ARHGAP15: variants seen among roughly 807,000 people sequenced by gnomAD.
ARHGAP15 encodes the protein rho GTPase-activating protein 15.
In ARHGAP15, 51 loss-of-function variants were observed where a neutral mutation model predicts 63.7. The observed-to-expected ratio is 0.80, with a 90% CI of 0.64 to 1.01. The LOEUF is 1.01. Among genes scored for constraint, ARHGAP15 ranks in the 50% least tolerant of loss-of-function variants. ARHGAP15 has a pLI of 0.00. For synonymous variants in ARHGAP15, 191 were observed against 193.8 expected (o/e 0.99, Z 0.12); for missense variants, 560 against 564.6 (o/e 0.99, Z 0.08).
intron 6 of ARHGAP15, among the ~76,000 whole-genome samples, chr2:143,373,160 C>G (rs1266952821): frequency 6.6e-6 from 1 of 152,020 alleles, no homozygotes; most frequent in Non-Finnish European, 1.5e-5. Context: ...TCATCTGAAT[C>G]TCAGGTCATT....
chr2:143,519,211 T>C, intron 9 of ARHGAP15, 55 bp from the exon 10 acceptor site: 1 of 1,358,006 alleles, frequency 7.4e-7, no homozygotes. Context: ...GGAATCAAAT[T>C]AAAGAACAAC....
chr2:143,409,075 A>G (rs1303349822), intron 6 of ARHGAP15, among the ~76,000 whole-genome samples: 2 of 151,980 alleles, frequency 1.3e-5, no homozygotes, highest in African/African-American at 2.4e-5. Context: ...GATCTCTGAC[A>G]CTTTTTATTT....
rs144410198 is a variant in ARHGAP15, at chr2:143,325,285, A to T, written c.474+74685A>T. Among the ~76,000 whole-genome samples, 38 of 152,272 alleles carry T rather than the reference A, an allele frequency of 2.5e-4. No homozygotes were observed. The East Asian group carries it at 6.0e-3, about 24-fold the overall frequency. On this transcript the variant is annotated intron_variant, in intron 6 of 13. Coordinates refer to ENST00000295095, the MANE Select transcript of ARHGAP15 (RefSeq NM_018460.4). ...AGAATAATCAGTTACCATAGTTCAG[A>T]GCATTTCTTCAAATACTCTTCAATT...
chr2:143,228,039 A>G (rs1195747814), intron 4 of ARHGAP15: 1 of 152,160 alleles, frequency 6.6e-6, no homozygotes, highest in East Asian at 1.9e-4. Flanking sequence ...TTATTCCTTG[A>G]CAATTTGATG....
intron 13 of ARHGAP15, among the ~76,000 whole-genome samples, chr2:143,747,606 G>A (rs762880569): frequency 1.3e-5 from 2 of 152,080 alleles, no homozygotes; most frequent in African/African-American, 2.4e-5. Flanking sequence ...CCTTTTCCAG[G>A]ATGTCAGGTG....
chr2:143,233,554 G>T (rs1693528277), intron 5 of ARHGAP15, among the ~76,000 whole-genome samples: 2 of 149,900 alleles, frequency 1.3e-5, no homozygotes, highest in African/African-American at 4.9e-5. Flanking sequence ...ACAGATGTCA[G>T]TTTCTTTTTA....
intron 12 of ARHGAP15, among the ~76,000 whole-genome samples, chr2:143,694,828 A>C (rs1683771176): frequency 6.6e-6 from 1 of 152,238 alleles, no homozygotes; most frequent in Non-Finnish European, 1.5e-5. Context: ...GTTAAGGATA[A>C]AGTTTAATAT....
chr2:143,703,694 A>T, intron 13 of ARHGAP15, 170 bp downstream of exon 13: 1 of 525,540 alleles, frequency 1.9e-6, no homozygotes, highest in East Asian at 3.3e-5. Context: ...AGGGATAGGA[A>T]GGACAATCTA....
At chr2:143,595,547 T>C (rs1697482128) in intron 11 of ARHGAP15, among the ~76,000 whole-genome samples, 1 of 152,114 alleles carries the variant, frequency 6.6e-6, no homozygotes, top group Non-Finnish European at 1.5e-5. Flanking sequence ...AGAATAGGAT[T>C]CCTAAAATCA....
chr2:143,194,570 A>G (rs1691812947), intron 2 of ARHGAP15, among the ~76,000 whole-genome samples: 1 of 152,172 alleles, frequency 6.6e-6, no homozygotes, highest in Admixed American at 6.6e-5. Flanking sequence ...TTCTACAGAG[A>G]AAAACCAAGA....
intron 6 of ARHGAP15, among the ~76,000 whole-genome samples, chr2:143,313,130 A>C (rs553557099): frequency 2.4e-4 from 36 of 152,298 alleles, no homozygotes; most frequent in African/African-American, 7.9e-4. Context: ...GGAGAGTTAA[A>C]AAAGAAAAAT....
intron 6 of ARHGAP15, among the ~76,000 whole-genome samples, chr2:143,383,754 G>T (rs1018490837): frequency 6.6e-6 from 1 of 152,218 alleles, no homozygotes; most frequent in South Asian, 2.1e-4. Flanking sequence ...TAATTCATTT[G>T]CTTTGACATC....
At chr2:143,210,627 A>G (rs1692527728) in intron 3 of ARHGAP15, among the ~76,000 whole-genome samples, 1 of 152,136 alleles carries the variant, frequency 6.6e-6, no homozygotes, top group Non-Finnish European at 1.5e-5. Flanking sequence ...AAGTGAGAGA[A>G]AGTAAGGGAG....
chr2:143,375,251 C>G (rs1272583416), intron 6 of ARHGAP15, among the ~76,000 whole-genome samples: 1 of 152,158 alleles, frequency 6.6e-6, no homozygotes, highest in East Asian at 1.9e-4. Context: ...TAACATCTAT[C>G]TAGATGAGAG....
At chr2:143,201,272 CA>C (rs1692105709) in intron 2 of ARHGAP15, among the ~76,000 whole-genome samples, 1 of 151,570 alleles carries the variant, frequency 6.6e-6, no homozygotes, top group South Asian at 2.1e-4. Context: ...TGTGTGCCAC[CA>C]TGCCTAGCTA....
Position 143,265,564 on chromosome 2 carries a change from T to C in ARHGAP15, c.474+14964T>C, listed in dbSNP as rs1253264299. Among the ~76,000 whole-genome samples, 6 of 152,120 alleles carry C rather than the reference T, an allele frequency of 3.9e-5. No individual in the cohort carries two copies. The East Asian group carries it at 1.2e-3, about 29-fold the overall frequency. On this transcript the variant is annotated intron_variant, in intron 6 of 13. Coordinates refer to ENST00000295095, the MANE Select transcript of ARHGAP15 (RefSeq NM_018460.4). Reference sequence around the variant, plus strand: ...TTAAAAATCATCAGTTTAGAAAAAATATGAAGTCTGTTTGCATTTGGAATT... The same window carrying C: ...TTAAAAATCATCAGTTTAGAAAAAACATGAAGTCTGTTTGCATTTGGAATT...
At chr2:143,160,843 G>T (rs1690265002) in intron 2 of ARHGAP15, among the ~76,000 whole-genome samples, 2 of 152,028 alleles carry the variant, frequency 1.3e-5, no homozygotes, top group African/African-American at 2.4e-5. Context: ...CTTGCCAAAA[G>T]GTTCAGAAAG....
intron 13 of ARHGAP15, among the ~76,000 whole-genome samples, chr2:143,761,158 C>T (rs1045699591): frequency 1.4e-4 from 21 of 152,180 alleles, no homozygotes; most frequent in Admixed American, 3.3e-4. Context: ...AGATCCCCCC[C>T]GAAATAGTTA....
intron 9 of ARHGAP15, among the ~76,000 whole-genome samples, chr2:143,502,448 G>A (rs1165993008): frequency 6.6e-6 from 1 of 151,988 alleles, no homozygotes; most frequent in African/African-American, 2.4e-5. Context: ...ACAAGACTTT[G>A]GGATCAAGTC....
Sources: gnomAD v4.1 joint callset for allele counts (sites outside exome capture counted in the v4.1 genomes callset) on GRCh38, gnomAD v4.1.1 for gene constraint, MANE v1.5 for transcripts, NCBI Gene and HGNC (gene_info 2026-07-23, HGNC 2026-07-21) for gene names.